Variants in KBTBD11 observed in about 807,000 individuals in gnomAD.
KBTBD11 encodes kelch repeat and BTB domain containing 11, also known as kelch repeat and BTB domain-containing protein 11.
For synonymous variants in KBTBD11, 747 were observed against 499.0 expected (o/e 1.50, Z -6.63); for missense variants, 1,390 against 1,001.8 (o/e 1.39, Z -5.23).
Position 1,993,922 on chromosome 8 carries a change from TACACACACACACAC to T in KBTBD11, c.-908-6339_-908-6326del, listed in dbSNP as rs57317862. On this transcript the variant is annotated intron_variant, in intron 1 of 1. Transcript: ENST00000320248. ...CAATATATGAATACACAATACCCCCTACACACACACACACACACACACACACACACACACACAAA... is the reference window on the plus strand; with the variant it reads ...CAATATATGAATACACAATACCCCCTACACACACACACACACACACACAAA... Among the ~76,000 whole-genome samples the T allele has an allele frequency of 3.4e-3, 473 of 139,768 alleles. 1 individual carries two copies. Among genetic ancestry groups the T allele is most frequent in the Non-Finnish European group, 5.8e-3 (379 of 65,178 alleles). 91.7% of individuals were successfully genotyped at this position (139,768 alleles called of 152,430 possible). A position where few individuals can be genotyped will look rare whatever the true frequency, so the allele number is the denominator to read the frequency against.
intron 1 of KBTBD11, among the ~76,000 whole-genome samples, chr8:1,992,972 C>G (rs1173296276): frequency 6.6e-6 from 1 of 151,968 alleles, no homozygotes; most frequent in African/African-American, 2.4e-5. Flanking sequence ...TGGTCTGATT[C>G]TGTTGCCCAG....
intron 1 of KBTBD11, chr8:1,974,403 G>C (rs1816249244): frequency 1.0e-6 from 1 of 984,574 alleles, no homozygotes; most frequent in African/African-American, 1.8e-5. Context: ...CCAAGCGCGC[G>C]GGGCCAGGGC....
intron 1 of KBTBD11, among the ~76,000 whole-genome samples, chr8:1,991,370 C>G (rs1816909574): frequency 6.6e-6 from 1 of 152,220 alleles, no homozygotes; most frequent in African/African-American, 2.4e-5. Flanking sequence ...TAGCCTAAGC[C>G]AGAAGTGGCA....
chr8:1,986,223 C>T (rs1292121974), intron 1 of KBTBD11, among the ~76,000 whole-genome samples: 1 of 152,184 alleles, frequency 6.6e-6, no homozygotes, highest in African/African-American at 2.4e-5. Context: ...GGTCATTGTT[C>T]CCCCATCACA....
chr8:1,992,661 T>C (rs142969747), intron 1 of KBTBD11, among the ~76,000 whole-genome samples: 50 of 152,100 alleles, frequency 3.3e-4, no homozygotes, highest in Non-Finnish European at 6.3e-4. Context: ...TTTTTCTTTC[T>C]ATATCTTAAG....
intron 1 of KBTBD11, chr8:1,974,314 C>T (rs914678787): frequency 5.1e-6 from 5 of 984,414 alleles, no homozygotes; most frequent in African/African-American, 1.8e-5. Flanking sequence ...ATGAGCCGCC[C>T]GCGCCGCGCC....
At position 2,002,054 on chromosome 8, in the gene KBTBD11, C is replaced by T; in HGVS notation, c.862C>T (p.Arg288Cys). ...AGAGCGGGACCTGCTGCTGCGCCGCCGCCTGCGCGCCGGCCGCGCCCACCT... is the reference window on the plus strand; with the variant it reads ...AGAGCGGGACCTGCTGCTGCGCCGCTGCCTGCGCGCCGGCCGCGCCCACCT... ...GAERDLLLRR[R>C]LRAGRAHLLA... The change falls in exon 2 of 2, where the codon CGC becomes TGC. Residue 288 changes from arginine (R) to cysteine (C), a missense_variant. Physicochemically the swap from Arg to Cys is radical, Grantham distance 180. Transcript: ENST00000320248. This position sits in a 1 kb window ranked among gnomAD's most constrained non-coding sequence, Gnocchi z 4.1. 3 of 1,178,230 alleles carry T rather than the reference C, an allele frequency of 2.5e-6. No individual in the cohort carries two copies. Among genetic ancestry groups the T allele is most frequent in the Non-Finnish European group, 3.1e-6 (3 of 954,018 alleles). 73.0% of individuals were successfully genotyped at this position (1,178,230 alleles called of 1,614,324 possible).
At chr8:1,975,713 T>G (rs1430658506) in intron 1 of KBTBD11, among the ~76,000 whole-genome samples, 1 of 152,256 alleles carries the variant, frequency 6.6e-6, no homozygotes, top group East Asian at 1.9e-4. Flanking sequence ...GTTGTGGCTC[T>G]GAGACTAAAG....
At chr8:1,998,996 G>T (rs998019027) in intron 1 of KBTBD11, among the ~76,000 whole-genome samples, 1 of 152,228 alleles carries the variant, frequency 6.6e-6, no homozygotes, top group Non-Finnish European at 1.5e-5. Flanking sequence ...AGGGACCCTT[G>T]TGTCCTGCTT....
chr8:2,003,244 GTCT>G lies in KBTBD11; in HGVS notation c.*182_*184del. On this transcript the variant is annotated 3_prime_UTR_variant, in exon 2 of 2. Transcript: ENST00000320248. ...CTTTCGCTTTGCTTTCCTTTTGCTT[GTCT>G]TTGCTTCTGGGGGTGGATGCCTTGA... The G allele has an allele frequency of 1.9e-6, 2 of 1,043,578 alleles. No homozygotes were observed. Among genetic ancestry groups the G allele is most frequent in the Non-Finnish European group, 2.5e-6 (2 of 805,116 alleles). The allele number at this position is 1,043,578 out of a possible 1,614,324, so 64.6% of individuals were successfully genotyped here. A position where few individuals can be genotyped will look rare whatever the true frequency, so the allele number is the denominator to read the frequency against.
At chr8:1,984,462 T>C (rs769203714) in intron 1 of KBTBD11, among the ~76,000 whole-genome samples, 13 of 152,046 alleles carry the variant, frequency 8.6e-5, no homozygotes, top group Non-Finnish European at 8.8e-5. Flanking sequence ...TAATTTTTTG[T>C]GTTTTTAGTA....
rs539805210 is a variant in KBTBD11, at chr8:1,975,594, A to G, written c.-909+1659A>G. ...TAGGTGCCCTGTGTGATGTTTGCACAGTGATGAAGTTATCTAACTATCATT... is the reference window on the plus strand; with the variant it reads ...TAGGTGCCCTGTGTGATGTTTGCACGGTGATGAAGTTATCTAACTATCATT... On this transcript the variant is annotated intron_variant, in intron 1 of 1. Coordinates refer to ENST00000320248, the MANE Select transcript of KBTBD11 (RefSeq NM_014867.3). Among the ~76,000 whole-genome samples the G allele has an allele frequency of 7.9e-5, 12 of 152,354 alleles. 1 individual carries two copies. In the South Asian group the frequency reaches 2.5e-3, roughly 32 times the overall value.
chr8:1,974,638 G>C, intron 1 of KBTBD11: 2 of 985,304 alleles, frequency 2.0e-6, no homozygotes, highest in Non-Finnish European at 2.4e-6. Flanking sequence ...CCCGAGTCCT[G>C]CCGGGCGCCC....
At position 1,998,798 on chromosome 8, in the gene KBTBD11, C is replaced by G. The variant is rs935371895; in HGVS notation, c.-908-1487C>G. ...TGCTCTCTCTCTCCTTTGCATGACT[C>G]AGCTGGCTGGAAAGACTCTGCAGTC... On this transcript the variant is annotated intron_variant, in intron 1 of 1. Transcript: ENST00000320248. Among the ~76,000 whole-genome samples the G allele has an allele frequency of 3.4e-5, 5 of 147,252 alleles. No homozygotes were observed. In the East Asian group the frequency reaches 7.7e-4, roughly 23 times the overall value.
At position 1,993,992 on chromosome 8, in the gene KBTBD11, A is replaced by G. The variant is rs556339261; in HGVS notation, c.-908-6293A>G. Among the ~76,000 whole-genome samples, 53 of 151,382 alleles carry G rather than the reference A, an allele frequency of 3.5e-4. 1 individual carries two copies. The South Asian group carries it at 0.011, about 30-fold the overall frequency. ...ATAGATGGTTTATCAGGGGAGCCAC[A>G]GGCAATTCCATGAGCTCGTGCAGTA... On this transcript the variant is annotated intron_variant, in intron 1 of 1. Coordinates refer to ENST00000320248, the MANE Select transcript of KBTBD11 (RefSeq NM_014867.3).
In KBTBD11 at chr8:2,006,898, C is replaced by G. The variant is rs1213637307; in HGVS notation, c.*3834C>G. On this transcript the variant is annotated 3_prime_UTR_variant, in exon 2 of 2. Coordinates refer to ENST00000320248, the MANE Select transcript of KBTBD11 (RefSeq NM_014867.3). ...GCAGAGCCTCGTATGTTTGTCAGTT[C>G]ATGCCGAGATGAAATAAATCACGCA... 2.4e-5 allele frequency: 4 copies of G among 166,828 alleles called. No individual in the cohort carries two copies. Among genetic ancestry groups the G allele is most frequent in the African/African-American group, 9.6e-5 (4 of 41,480 alleles). The allele number at this position is 166,828 out of a possible 1,614,324, so 10.3% of individuals were successfully genotyped here.
At position 1,992,201 on chromosome 8, in the gene KBTBD11, T is replaced by C. The variant is rs948141222; in HGVS notation, c.-908-8084T>C. On this transcript the variant is annotated intron_variant, in intron 1 of 1. Coordinates refer to ENST00000320248, the MANE Select transcript of KBTBD11 (RefSeq NM_014867.3). ...TGCCTGAAGGGGAGCACGGGTGAGT[T>C]TCCTCATCCCTGAGCCCGGGTTTTC... 2.0e-5 allele frequency among the ~76,000 whole-genome samples: 3 copies of C among 152,074 alleles called. 1 individual carries two copies. Among genetic ancestry groups the C allele is most frequent in the African/African-American group, 7.3e-5 (3 of 41,346 alleles).
chr8:1,993,487 GTCCATCCGTCCA>G (rs1322077547), intron 1 of KBTBD11, among the ~76,000 whole-genome samples: 10 of 56,034 alleles, frequency 1.8e-4, no homozygotes, highest in South Asian at 1.1e-3. Flanking sequence ...CCATCTATCC[GTCCATCCGTCCA>G]TCCATCCATC....
chr8:1,992,219 G>C (rs563227326), intron 1 of KBTBD11, among the ~76,000 whole-genome samples: 2 of 152,206 alleles, frequency 1.3e-5, no homozygotes, highest in Non-Finnish European at 2.9e-5. Flanking sequence ...CCCTGAGCCC[G>C]GGTTTTCTCA....
Sources: gnomAD v4.1 joint callset for allele counts (sites outside exome capture counted in the v4.1 genomes callset) on GRCh38, gnomAD v4.1.1 for gene constraint, Gnocchi (gnomAD v3.1) non-coding constraint, MANE v1.5 for transcripts, NCBI Gene and HGNC (gene_info 2026-07-23, HGNC 2026-07-21) for gene names.